Variants in FAM78B observed in about 807,000 individuals in gnomAD.
FAM78B encodes protein FAM78B.
FAM78B carries 10 observed loss-of-function variants against 20.0 expected under a neutral mutation model. The observed-to-expected ratio is 0.50, with a 90% CI of 0.31 to 0.85. FAM78B has a LOEUF of 0.85. FAM78B is among the 40% of genes least tolerant of loss of function. FAM78B has a pLI of 0.05. For missense variants in FAM78B, 283 were observed against 345.0 expected (o/e 0.82, Z 1.42); for synonymous variants, 135 against 132.8 (o/e 1.02, Z -0.12).
At position 166,081,012 on chromosome 1, in the gene FAM78B, A is replaced by T. The variant is rs1377862634; in HGVS notation, c.264-10249T>A. Among the ~76,000 whole-genome samples, 6 of 152,206 alleles carry T rather than the reference A, an allele frequency of 3.9e-5. No homozygotes were observed. In the East Asian group the frequency reaches 1.2e-3, roughly 29 times the overall value. The stretch of plus-strand genomic sequence containing the variant: ...TGCTTTGCAACCATGATTACAGAGT[A>T]AGTGTTAAAATTAGGATTTTCCTCA... On this transcript the variant is annotated intron_variant, in intron 1 of 1. Transcript: ENST00000354422.
downstream of FAM78B, among the ~76,000 whole-genome samples, chr1:166,068,926 GTTGTATA>G (rs1275421932): frequency 5.9e-5 from 9 of 152,148 alleles, no homozygotes. Context: ...TCAAAAAGAA[GTTGTATA>G]TTGGCCTGAC....
At chr1:166,150,548 C>T (rs1462326412) in intron 1 of FAM78B, among the ~76,000 whole-genome samples, 1 of 151,914 alleles carries the variant, frequency 6.6e-6, no homozygotes, top group Non-Finnish European at 1.5e-5. Flanking sequence ...AAGAGGAAGC[C>T]CACAACTCAA....
intron 1 of FAM78B, 104 bp downstream of exon 1, chr1:166,165,882 G>A (rs1343272689): frequency 7.3e-7 from 1 of 1,374,048 alleles, no homozygotes; most frequent in Non-Finnish European, 1.0e-6. Context: ...GGTTTAGAAA[G>A]ACGATGGGGA....
chr1:166,077,903 T>A (rs1571139376), intron 1 of FAM78B, among the ~76,000 whole-genome samples: 16 of 4,036 alleles, frequency 4.0e-3, no homozygotes, highest in South Asian at 0.026. Flanking sequence ...ATATAATTTA[T>A]ATATATAATT....
At chr1:166,148,632 G>A (rs953215801) in intron 1 of FAM78B, among the ~76,000 whole-genome samples, 1 of 152,216 alleles carries the variant, frequency 6.6e-6, no homozygotes, top group Non-Finnish European at 1.5e-5. Flanking sequence ...AATGGCAGGC[G>A]GGCAGCTGGG....
intron 1 of FAM78B, among the ~76,000 whole-genome samples, chr1:166,094,190 C>A (rs1029814992): frequency 3.3e-5 from 5 of 152,070 alleles, no homozygotes; most frequent in African/African-American, 9.7e-5. Flanking sequence ...CACTTAGGAA[C>A]ATGCCCATGC....
In FAM78B at chr1:166,151,816, C is replaced by T. The variant is rs577230732; in HGVS notation, c.263+14170G>A. On this transcript the variant is annotated intron_variant, in intron 1 of 1. Coordinates refer to ENST00000354422, the MANE Select transcript of FAM78B (RefSeq NM_001017961.5). ...GTTCAAGTTCAACAGATAGGGTTTC[C>T]GCAAAAACTTTATCATGTAGACAAA... 5.3e-5 allele frequency among the ~76,000 whole-genome samples: 8 copies of T among 152,244 alleles called. No individual in the cohort carries two copies. The South Asian group carries it at 1.5e-3, about 28-fold the overall frequency.
intron 1 of FAM78B, among the ~76,000 whole-genome samples, chr1:166,151,687 C>A (rs1028516898): frequency 6.6e-6 from 1 of 152,190 alleles, no homozygotes; most frequent in Non-Finnish European, 1.5e-5. Flanking sequence ...AGGAGCTGTA[C>A]CCAAATGTCT....
intron 1 of FAM78B, among the ~76,000 whole-genome samples, chr1:166,102,676 C>T (rs1309673273): frequency 9.2e-5 from 14 of 152,142 alleles, no homozygotes; most frequent in South Asian, 2.1e-4. Flanking sequence ...AATATATATG[C>T]GCCCAATACA....
downstream of FAM78B, among the ~76,000 whole-genome samples, chr1:166,056,219 C>T (rs1302445472): frequency 6.6e-6 from 1 of 152,100 alleles, no homozygotes; most frequent in African/African-American, 2.4e-5. Flanking sequence ...CTATTTACCA[C>T]TTTTTATTTC....
chr1:166,128,520 G>A (rs1334105144), intron 1 of FAM78B, among the ~76,000 whole-genome samples: 1 of 152,216 alleles, frequency 6.6e-6, no homozygotes, highest in East Asian at 1.9e-4. Flanking sequence ...ACAACTGAAT[G>A]CGCTAATGTT....
At chr1:166,155,430 T>C (rs1571211024) in intron 1 of FAM78B, among the ~76,000 whole-genome samples, 1 of 152,330 alleles carries the variant, frequency 6.6e-6, no homozygotes, top group Non-Finnish European at 1.5e-5. Context: ...TTACAGACAG[T>C]GCATCTAAAG....
chr1:166,117,847 CAG>C (rs769852594), intron 1 of FAM78B, among the ~76,000 whole-genome samples: 1 of 152,098 alleles, frequency 6.6e-6, no homozygotes. Flanking sequence ...TTCTAAAAGA[CAG>C]AGTCAGGAGC....
chr1:166,119,440 C>T (rs370162428), intron 1 of FAM78B, among the ~76,000 whole-genome samples: 5 of 152,326 alleles, frequency 3.3e-5, no homozygotes, highest in African/African-American at 1.2e-4. Context: ...CCCACAATCA[C>T]ATTTAAAGAA....
chr1:166,064,022 A>G (rs978020689), intron 2 of FAM78B, among the ~76,000 whole-genome samples: 4 of 152,152 alleles, frequency 2.6e-5, no homozygotes, highest in African/African-American at 9.7e-5. Context: ...GGCCATTCCC[A>G]GGCCCAGCTG....
intron 1 of FAM78B, among the ~76,000 whole-genome samples, chr1:166,125,421 G>A (rs1330951861): frequency 6.6e-6 from 1 of 152,116 alleles, no homozygotes; most frequent in Admixed American, 6.5e-5. Context: ...AATCATTATG[G>A]CCAGTCATTA....
At position 166,096,533 on chromosome 1, in the gene FAM78B, G is replaced by T. The variant is rs574848440; in HGVS notation, c.264-25770C>A. 1.1e-4 allele frequency among the ~76,000 whole-genome samples: 16 copies of T among 152,350 alleles called. No individual in the cohort carries two copies. The South Asian group carries it at 3.1e-3, about 30-fold the overall frequency. The stretch of plus-strand genomic sequence containing the variant: ...AAGAAGGAAAACTTGCTCCATAATA[G>T]ATCTCATTCCTGGTTCTGCGAAGTC... On this transcript the variant is annotated intron_variant, in intron 1 of 1. Transcript: ENST00000354422.
intron 1 of FAM78B, among the ~76,000 whole-genome samples, chr1:166,106,638 T>C (rs1191029156): frequency 6.6e-6 from 1 of 152,138 alleles, no homozygotes; most frequent in Non-Finnish European, 1.5e-5. Context: ...AAATACTGCA[T>C]GTTCTCACTG....
chr1:166,109,805 T>C (rs1653924863), intron 1 of FAM78B, among the ~76,000 whole-genome samples: 1 of 39,652 alleles, frequency 2.5e-5, no homozygotes, highest in South Asian at 1.2e-3. Context: ...GTGATATATA[T>C]GTATATATGT....
Sources: allele counts gnomAD v4.1 joint callset (sites outside exome capture counted in the v4.1 genomes callset), GRCh38; gene constraint gnomAD v4.1.1; transcripts MANE v1.5; gene names NCBI Gene and HGNC (gene_info 2026-07-23, HGNC 2026-07-21).